Variants in CAPN13 observed in about 807,000 individuals in gnomAD.
CAPN13 encodes calpain 13, also known as calpain-13.
Under a neutral mutation model 98.4 loss-of-function variants are expected in CAPN13, and 90 were observed. The observed-to-expected ratio is 0.92, with a 90% CI of 0.77 to 1.09. The LOEUF (loss-of-function observed/expected upper bound fraction) is 1.09, where lower values mean the gene tolerates loss of function less well. CAPN13 is among the 50% of genes least tolerant of loss of function. The probability of loss-of-function intolerance (pLI) is 0.00; values close to 1 mark genes in which losing one functional copy is unlikely to be tolerated. For missense variants in CAPN13, 887 were observed against 841.3 expected, an observed-to-expected ratio of 1.05 and a Z score of -0.67; for synonymous variants, 330 against 305.5, an observed-to-expected ratio of 1.08 and a Z score of -0.84.
chr2:30,776,187 G>A lies in CAPN13; in HGVS notation c.272-142C>T, dbSNP rs180702649. The A allele has an allele frequency of 1.1e-5, 6 of 558,768 alleles. No homozygotes were observed. In the East Asian group the frequency reaches 1.8e-4, roughly 17 times the overall value. 34.6% of individuals were successfully genotyped at this position (558,768 alleles called of 1,614,324 possible). On this transcript the variant is annotated intron_variant, in intron 3 of 22. Transcript: ENST00000295055. ...TTTTTCCTCTGAGAGAGGAGAACCG[G>A]GGGAGGGAGTCACAGGGACTGGCTC...
intron 4 of CAPN13, among the ~76,000 whole-genome samples, chr2:30,774,056 T>G (rs1673547739): frequency 6.6e-6 from 1 of 152,136 alleles, no homozygotes; most frequent in Non-Finnish European, 1.5e-5. Context: ...TTGCAAAACT[T>G]AATCACTTGA....
chr2:30,752,989 G>T (rs951084919), intron 10 of CAPN13, 64 bp downstream of exon 10: 148 of 1,576,472 alleles, frequency 9.4e-5, no homozygotes, highest in Non-Finnish European at 1.2e-4. Context: ...CTGAAGCCAT[G>T]CAAGGGCTGG....
In CAPN13 at chr2:30,742,062, AAG is replaced by A. The variant is rs977593970; in HGVS notation, c.1480-100_1480-99del. Reference sequence around the variant, plus strand: ...CAACAACCCCTGCCAAGATCTGAGAAAGAGTCTTTATTGGGCAGTTGGAAAAA... The same window carrying A: ...CAACAACCCCTGCCAAGATCTGAGAAAGTCTTTATTGGGCAGTTGGAAAAA... On this transcript the variant is annotated intron_variant, in intron 14 of 22. Coordinates refer to ENST00000295055, the MANE Select transcript of CAPN13 (RefSeq NM_144575.3). The A allele has an allele frequency of 7.7e-6, 9 of 1,172,970 alleles. No homozygotes were observed. The Admixed American group carries it at 1.7e-4, about 23-fold the overall frequency. The allele number at this position is 1,172,970 out of a possible 1,614,324, so 72.7% of individuals were successfully genotyped here. A position where few individuals can be genotyped will look rare whatever the true frequency, so the allele number is the denominator to read the frequency against.
At chr2:30,741,567 G>A (rs979242719) in intron 15 of CAPN13, 9 of 1,078,988 alleles carry the variant, frequency 8.3e-6, no homozygotes, top group Non-Finnish European at 1.0e-5. Context: ...GTTGGTGGGA[G>A]GTGGCCGAGT....
At chr2:30,788,854 G>A (rs1674462512) in intron 1 of CAPN13, among the ~76,000 whole-genome samples, 3 of 152,250 alleles carry the variant, frequency 2.0e-5, no homozygotes, top group Non-Finnish European at 4.4e-5. Context: ...AGAGAATTGT[G>A]CATACAACTG....
intron 3 of CAPN13, among the ~76,000 whole-genome samples, chr2:30,777,009 GGTT>G (rs1318794993): frequency 6.6e-6 from 1 of 152,190 alleles, no homozygotes; most frequent in Non-Finnish European, 1.5e-5. Flanking sequence ...TTCTCAGAAG[GGTT>G]GTTGTTTTTG....
chr2:30,736,261 C>CAG (rs1322017161), intron 18 of CAPN13, among the ~76,000 whole-genome samples: 1 of 152,218 alleles, frequency 6.6e-6, no homozygotes, highest in African/African-American at 2.4e-5. Context: ...CTTTAGCTTA[C>CAG]AGAGACAGCA....
chr2:30,753,228 G>A, intron 9 of CAPN13, 30 bp from the exon 10 acceptor site: 1 of 1,611,868 alleles, frequency 6.2e-7, no homozygotes. Context: ...ATCACTCAGT[G>A]ACCAGGGGTT....
At chr2:30,731,219 G>T in intron 21 of CAPN13, 125 bp downstream of exon 21, 2 of 770,402 alleles carry the variant, frequency 2.6e-6, no homozygotes, top group Non-Finnish European at 2.0e-6. Context: ...TGGAGGTTGG[G>T]GGGACAGCTT....
chr2:30,799,645 T>C (rs1225315267), intron 1 of CAPN13, among the ~76,000 whole-genome samples: 1 of 152,130 alleles, frequency 6.6e-6, no homozygotes, highest in Non-Finnish European at 1.5e-5. Flanking sequence ...TCCTACTTTG[T>C]GTCTAATCAG....
chr2:30,770,720 G>A (rs985460021), intron 4 of CAPN13, among the ~76,000 whole-genome samples: 2 of 152,216 alleles, frequency 1.3e-5, no homozygotes, highest in African/African-American at 2.4e-5. Flanking sequence ...GCTCCTCAGC[G>A]TTGCCTCTCT....
chr2:30,770,025 T>A (rs1005314552), intron 5 of CAPN13, among the ~76,000 whole-genome samples: 1 of 152,226 alleles, frequency 6.6e-6, no homozygotes, highest in African/African-American at 2.4e-5. Flanking sequence ...TCATCGGACT[T>A]TGACCGTGAT....
intron 1 of CAPN13, among the ~76,000 whole-genome samples, chr2:30,800,089 GAAAGAAAAGAAAGAAAGA>G (rs1675110854): frequency 7.8e-6 from 1 of 128,720 alleles, no homozygotes; most frequent in African/African-American, 3.0e-5. Flanking sequence ...AAGAAAGAAA[GAAAGAAAAGAAAGAAAGA>G]AAAGAAAGAA....
chr2:30,747,716 G>A (rs1390343168), intron 11 of CAPN13, among the ~76,000 whole-genome samples: 1 of 152,216 alleles, frequency 6.6e-6, no homozygotes, highest in Non-Finnish European at 1.5e-5. Context: ...TTGAGCCCTG[G>A]AGCCTTCTGA....
intron 17 of CAPN13, among the ~76,000 whole-genome samples, chr2:30,736,949 G>A (rs969182494): frequency 6.6e-6 from 1 of 152,186 alleles, no homozygotes; most frequent in African/African-American, 2.4e-5. Flanking sequence ...AGCACATAGA[G>A]TCCTGCGTGC....
intron 1 of CAPN13, among the ~76,000 whole-genome samples, chr2:30,790,016 G>A (rs534495146): frequency 1.3e-5 from 2 of 152,306 alleles, no homozygotes; most frequent in East Asian, 3.9e-4. Flanking sequence ...TGCGGAGGTG[G>A]GCTGTTCTGG....
At chr2:30,740,107 T>G (rs1028064309) in intron 15 of CAPN13, among the ~76,000 whole-genome samples, 15 of 149,830 alleles carry the variant, frequency 1.0e-4, no homozygotes, top group Non-Finnish European at 1.5e-4. Flanking sequence ...TTTTTTTTTT[T>G]TTTTTGAGAT....
chr2:30,762,533 C>T (rs1204109993), intron 7 of CAPN13, among the ~76,000 whole-genome samples: 4 of 152,186 alleles, frequency 2.6e-5, no homozygotes, highest in African/African-American at 9.7e-5. Flanking sequence ...CTCCTGGCCT[C>T]TTTCTCTCCC....
intron 1 of CAPN13, among the ~76,000 whole-genome samples, chr2:30,800,736 G>C (rs17010329): frequency 0.022 from 3,334 of 152,208 alleles, 131 homozygotes; most frequent in African/African-American, 0.077. Flanking sequence ...ATTAAGTTTA[G>C]GTTTGTGCCA....
Sources: gnomAD v4.1 joint callset for allele counts (sites outside exome capture counted in the v4.1 genomes callset) on GRCh38, gnomAD v4.1.1 for gene constraint, MANE v1.5 for transcripts, NCBI Gene and HGNC (gene_info 2026-07-23, HGNC 2026-07-21) for gene names.